Variants in RARB observed in about 807,000 individuals in gnomAD.
The protein encoded by RARB is retinoic acid receptor beta, also known as HBV-activated protein.
A neutral mutation model predicts 51.9 loss-of-function variants in RARB; 17 were observed. That is an observed-to-expected ratio of 0.33 (90% confidence interval 0.22 to 0.49). The LOEUF is 0.49. Ranked by LOEUF, RARB falls within the 20% of genes least tolerant of loss-of-function variation. The pLI, the probability that RARB is intolerant of heterozygous loss-of-function variation, is 0.99. For synonymous variants in RARB, 215 were observed against 195.4 expected (o/e 1.10, Z -0.84); for missense variants, 369 against 550.8 (o/e 0.67, Z 3.30).
intron 1 of RARB, among the ~76,000 whole-genome samples, chr3:25,449,344 G>C (rs1183580943): frequency 6.6e-6 from 1 of 152,100 alleles, no homozygotes; most frequent in African/African-American, 2.4e-5. Context: ...TTTGCTTCTG[G>C]GGGACTTTCC....
chr3:25,468,372 C>CTTTTTT (rs34870919), intron 2 of RARB, among the ~76,000 whole-genome samples: 5 of 81,710 alleles, frequency 6.1e-5, no homozygotes, highest in South Asian at 1.0e-3. Context: ...GGCATTTGGG[C>CTTTTTT]TTTTTTTTTT....
intron 5 of RARB, among the ~76,000 whole-genome samples, chr3:25,380,915 T>C: frequency 6.6e-6 from 1 of 152,216 alleles, no homozygotes; most frequent in Non-Finnish European, 1.5e-5. Context: ...TTAGTTTTTA[T>C]ATTTTTCTCT....
chr3:24,870,534 T>C (rs1432364996), intron 2 of RARB, among the ~76,000 whole-genome samples: 1 of 152,150 alleles, frequency 6.6e-6, no homozygotes, highest in Admixed American at 6.6e-5. Context: ...TAAGTCTTGA[T>C]TTCTGGCAGT....
At chr3:24,856,466 A>G (rs1702638081) in intron 1 of RARB, among the ~76,000 whole-genome samples, 1 of 152,168 alleles carries the variant, frequency 6.6e-6, no homozygotes, top group Non-Finnish European at 1.5e-5. Flanking sequence ...AAGGCAAAAG[A>G]TTCCTTATAC....
Position 24,906,814 on chromosome 3 carries a change from C to T in RARB, c.-380+48062C>T, listed in dbSNP as rs143422455. On this transcript the variant is annotated intron_variant, in intron 2 of 11. Transcript: ENST00000383772. ...GAGCTGAGATTGTGCCACTGCGCTC[C>T]AGCCTGGACAACAGAATGAGATTCC... 5.0e-3 allele frequency among the ~76,000 whole-genome samples: 656 copies of T among 131,946 alleles called. 4 individuals are homozygous for T. The highest frequency in any genetic ancestry group is 0.017 in the African/African-American group (602 of 35,480). 86.6% of individuals were successfully genotyped at this position (131,946 alleles called of 152,430 possible).
intron 5 of RARB, among the ~76,000 whole-genome samples, chr3:25,384,955 C>T (rs1373695011): frequency 2.0e-5 from 3 of 152,104 alleles, no homozygotes; most frequent in Non-Finnish European, 4.4e-5. Context: ...CAAATTATTC[C>T]ACTCTGGATG....
At chr3:25,196,830 G>A (rs1448181996) in intron 5 of RARB, among the ~76,000 whole-genome samples, 3 of 152,094 alleles carry the variant, frequency 2.0e-5, no homozygotes, top group Non-Finnish European at 4.4e-5. Flanking sequence ...GTGATAATGA[G>A]CATTTTTTCG....
chr3:24,901,360 GAAC>G (rs1703600990), intron 2 of RARB, among the ~76,000 whole-genome samples: 2 of 152,104 alleles, frequency 1.3e-5, no homozygotes, highest in South Asian at 4.1e-4. Context: ...TCTGAAAGGA[GAAC>G]AACAGAACAA....
intron 5 of RARB, among the ~76,000 whole-genome samples, chr3:25,247,536 A>G (rs185474277): frequency 6.6e-6 from 1 of 152,238 alleles, no homozygotes; most frequent in East Asian, 1.9e-4. Context: ...TCCATCCCTC[A>G]TGGCGTGGTC....
intron 5 of RARB, among the ~76,000 whole-genome samples, chr3:25,359,762 A>G (rs1368024827): frequency 6.6e-6 from 1 of 152,164 alleles, no homozygotes; most frequent in Non-Finnish European, 1.5e-5. Context: ...CAGGTTGTTC[A>G]GTTTCCATGT....
chr3:24,840,698 T>C (rs998835881), intron 1 of RARB, among the ~76,000 whole-genome samples: 2 of 149,816 alleles, frequency 1.3e-5, no homozygotes, highest in African/African-American at 2.5e-5. Flanking sequence ...GTATTTGCTG[T>C]TGCCCCTACA....
chr3:24,954,846 G>T lies in RARB; in HGVS notation c.-380+96094G>T, dbSNP rs536686802. On this transcript the variant is annotated intron_variant, in intron 2 of 11. Coordinates refer to the RARB transcript ENST00000383772. ...TGACTCCTTTACCTGGCTGCCAGGAGCTCAAACTCCTTGCAGGAGTGGGGA... is the reference window on the plus strand; with the variant it reads ...TGACTCCTTTACCTGGCTGCCAGGATCTCAAACTCCTTGCAGGAGTGGGGA... 9.2e-5 allele frequency among the ~76,000 whole-genome samples: 14 copies of T among 152,324 alleles called. No individual in the cohort carries two copies. The South Asian group carries it at 2.9e-3, about 32-fold the overall frequency.
intron 5 of RARB, among the ~76,000 whole-genome samples, chr3:25,315,501 T>G (rs1704399048): frequency 1.3e-5 from 2 of 152,190 alleles, no homozygotes; most frequent in Non-Finnish European, 2.9e-5. Context: ...TCAATCCACT[T>G]ATCTTTTTAC....
intron 2 of RARB, among the ~76,000 whole-genome samples, chr3:25,477,702 T>C (rs1404478490): frequency 6.6e-6 from 1 of 152,214 alleles, no homozygotes; most frequent in Non-Finnish European, 1.5e-5. Flanking sequence ...GTAAATATTG[T>C]ATATGGTTAA....
chr3:24,929,910 G>A (rs1427126873), intron 2 of RARB, among the ~76,000 whole-genome samples: 2 of 152,084 alleles, frequency 1.3e-5, no homozygotes, highest in East Asian at 1.9e-4. Flanking sequence ...AGAATAATGT[G>A]TATCTTGTTT....
At chr3:25,289,616 G>C (rs575046067) in intron 5 of RARB, among the ~76,000 whole-genome samples, 5 of 152,200 alleles carry the variant, frequency 3.3e-5, no homozygotes. Context: ...CATTAAGCTT[G>C]AAGGATTGCA....
chr3:25,451,991 T>G (rs569016898), intron 1 of RARB, among the ~76,000 whole-genome samples: 3 of 152,342 alleles, frequency 2.0e-5, no homozygotes, highest in African/African-American at 7.2e-5. Context: ...TGAGAAAAAC[T>G]CTTCAGGGGA....
chr3:24,951,169 C>T (rs1414969754), intron 2 of RARB, among the ~76,000 whole-genome samples: 2 of 152,128 alleles, frequency 1.3e-5, no homozygotes, highest in Non-Finnish European at 2.9e-5. Flanking sequence ...ACACTCTTAC[C>T]ACTCAAGGAG....
intron 5 of RARB, among the ~76,000 whole-genome samples, chr3:25,592,080 G>A (rs772741697): frequency 2.4e-4 from 37 of 152,202 alleles, no homozygotes; most frequent in Non-Finnish European, 5.0e-4. Flanking sequence ...AGATTTGACA[G>A]AAGTTTTTCT....
Sources: gnomAD v4.1 joint callset for allele counts (sites outside exome capture counted in the v4.1 genomes callset) on GRCh38, gnomAD v4.1.1 for gene constraint, MANE v1.5 for transcripts, NCBI Gene and HGNC (gene_info 2026-07-23, HGNC 2026-07-21) for gene names.